Variants in UBL3 observed in about 807,000 individuals in gnomAD.
UBL3 encodes ubiquitin-like protein 3.
Under a neutral mutation model 18.4 loss-of-function variants are expected in UBL3, and 6 were observed. The ratio of observed to expected loss-of-function variants is 0.33; its 90% CI spans 0.18 to 0.64. The LOEUF (loss-of-function observed/expected upper bound fraction) is 0.64, where lower values mean the gene tolerates loss of function less well. Ranked by LOEUF, UBL3 falls within the 30% of genes least tolerant of loss-of-function variation. UBL3 has a pLI of 0.76. For missense variants in UBL3, 109 were observed against 142.9 expected (o/e 0.76, Z 1.21); for synonymous variants, 49 against 46.6 (o/e 1.05, Z -0.21).
At chr13:29,792,069 A>C (rs1403832467) in intron 1 of UBL3, among the ~76,000 whole-genome samples, 1 of 152,178 alleles carries the variant, frequency 6.6e-6, no homozygotes, top group Non-Finnish European at 1.5e-5. Flanking sequence ...AGGAAAAATA[A>C]TTCAAGTTAA....
At position 29,788,076 on chromosome 13, in the gene UBL3, T is replaced by C. The variant is rs563726794; in HGVS notation, c.28-10813A>G. Among the ~76,000 whole-genome samples, 3 of 152,334 alleles carry C rather than the reference T, an allele frequency of 2.0e-5. No homozygotes were observed. In the East Asian group the frequency reaches 5.8e-4, roughly 29 times the overall value. On this transcript the variant is annotated intron_variant, in intron 1 of 4. Coordinates refer to ENST00000380680, the MANE Select transcript of UBL3 (RefSeq NM_007106.4). ...GATCAACTAGGCACCCGTTTTCTTT[T>C]GAATAGTTCTAGCGCAAGGCACATT... is the stretch of plus-strand genomic sequence containing the variant.
intron 1 of UBL3, among the ~76,000 whole-genome samples, chr13:29,832,728 G>A (rs1231711404): frequency 6.6e-6 from 1 of 152,150 alleles, no homozygotes; most frequent in Non-Finnish European, 1.5e-5. Context: ...ATCCGTGATG[G>A]AAGCAGCTAT....
At chr13:29,791,302 G>T (rs4265673) in intron 1 of UBL3, among the ~76,000 whole-genome samples, 93,722 of 151,946 alleles carry the variant, frequency 0.62, 29,100 homozygotes, top group Non-Finnish European at 0.66. Context: ...TTCTGTCAGG[G>T]TGTTCTAGAC....
chr13:29,780,655 GT>G (rs1411183782), intron 1 of UBL3, among the ~76,000 whole-genome samples: 1 of 151,930 alleles, frequency 6.6e-6, no homozygotes, highest in Admixed American at 6.6e-5. Context: ...TGCTAAACAA[GT>G]AACCTGTTTA....
At chr13:29,822,859 T>C (rs1182007172) in intron 1 of UBL3, among the ~76,000 whole-genome samples, 1 of 152,170 alleles carries the variant, frequency 6.6e-6, no homozygotes, top group Non-Finnish European at 1.5e-5. Flanking sequence ...ATAATTAAAT[T>C]TGATCTTTAA....
chr13:29,777,371 C>A, intron 1 of UBL3, 108 bp from the exon 2 acceptor site: 1 of 824,628 alleles, frequency 1.2e-6, no homozygotes. Context: ...TTACCAATGC[C>A]ATATTGTGGT....
At chr13:29,785,383 G>A (rs1593654729) in intron 1 of UBL3, among the ~76,000 whole-genome samples, 1 of 151,994 alleles carries the variant, frequency 6.6e-6, no homozygotes, top group Non-Finnish European at 1.5e-5. Flanking sequence ...ATAATTTGGT[G>A]TTTATGTCGG....
chr13:29,810,690 A>T (rs143020805), intron 1 of UBL3, among the ~76,000 whole-genome samples: 1 of 152,214 alleles, frequency 6.6e-6, no homozygotes, highest in Non-Finnish European at 1.5e-5. Context: ...TTAGTGTAAC[A>T]GTGAGTTTTC....
chr13:29,838,681 G>A (rs980558050), intron 1 of UBL3, among the ~76,000 whole-genome samples: 3 of 152,040 alleles, frequency 2.0e-5, no homozygotes, highest in African/African-American at 4.8e-5. Context: ...AAGGTATATG[G>A]GAAACTGTTT....
chr13:29,780,041 TAAGTTGAATA>T (rs1226800180), intron 1 of UBL3, among the ~76,000 whole-genome samples: 1 of 152,048 alleles, frequency 6.6e-6, no homozygotes, highest in African/African-American at 2.4e-5. Context: ...TGTGGCAGCC[TAAGTTGAATA>T]ATACACACAA....
intron 1 of UBL3, among the ~76,000 whole-genome samples, chr13:29,800,095 T>C (rs1018938184): frequency 1.3e-5 from 2 of 152,260 alleles, no homozygotes; most frequent in African/African-American, 2.4e-5. Context: ...ATCCAATTGC[T>C]GAACAGTAAT....
At chr13:29,770,305 C>T (rs1278778383) in intron 3 of UBL3, among the ~76,000 whole-genome samples, 4 of 151,978 alleles carry the variant, frequency 2.6e-5, no homozygotes, top group African/African-American at 7.2e-5. Context: ...ATTATTAACG[C>T]GGAGGTCCAG....
chr13:29,847,576 A>G (rs1295116060), intron 1 of UBL3, among the ~76,000 whole-genome samples: 2 of 152,210 alleles, frequency 1.3e-5, no homozygotes, highest in African/African-American at 4.8e-5. Context: ...GACTGATGCC[A>G]CGCACATTCC....
In UBL3 at chr13:29,846,807, G is replaced by A. The variant is rs142282268; in HGVS notation, c.27+2705C>T. Reference sequence around the variant, plus strand: ...CACCACCACCAAAAAGTAAAAAAGTGTAACATTTGTTTCAGCACAGTTGAC... The same window carrying A: ...CACCACCACCAAAAAGTAAAAAAGTATAACATTTGTTTCAGCACAGTTGAC... On this transcript the variant is annotated intron_variant, in intron 1 of 4. Coordinates refer to ENST00000380680, the MANE Select transcript of UBL3 (RefSeq NM_007106.4). Among the ~76,000 whole-genome samples, 243 of 152,268 alleles carry A rather than the reference G, an allele frequency of 1.6e-3. 1 individual carries two copies. Among genetic ancestry groups the A allele is most frequent in the African/African-American group, 5.7e-3 (235 of 41,560 alleles).
intron 1 of UBL3, among the ~76,000 whole-genome samples, chr13:29,808,976 CAATAG>C (rs1877967198): frequency 1.3e-5 from 2 of 152,172 alleles, no homozygotes; most frequent in South Asian, 4.2e-4. Context: ...TGATCATGCT[CAATAG>C]AATATAAATC....
intron 1 of UBL3, among the ~76,000 whole-genome samples, chr13:29,835,872 A>G (rs1261829541): frequency 6.6e-6 from 1 of 152,058 alleles, no homozygotes; most frequent in African/African-American, 2.4e-5. Flanking sequence ...AGCCAATACA[A>G]TTAAAGCATA....
chr13:29,810,264 A>T (rs185829274), intron 1 of UBL3, among the ~76,000 whole-genome samples: 1 of 152,240 alleles, frequency 6.6e-6, no homozygotes, highest in East Asian at 1.9e-4. Context: ...AATTCAGAGG[A>T]GATTGTCTGG....
intron 1 of UBL3, among the ~76,000 whole-genome samples, chr13:29,807,298 A>T (rs1429861005): frequency 6.6e-6 from 1 of 152,186 alleles, no homozygotes; most frequent in Non-Finnish European, 1.5e-5. Flanking sequence ...CCTGGCTTTT[A>T]AACTAGCTGA....
intron 1 of UBL3, among the ~76,000 whole-genome samples, chr13:29,828,858 G>A (rs1394134915): frequency 6.6e-6 from 1 of 152,146 alleles, no homozygotes; most frequent in Non-Finnish European, 1.5e-5. Flanking sequence ...GTTTTGGTGT[G>A]GATGTCCTTT....
Sources: allele counts gnomAD v4.1 joint callset (sites outside exome capture counted in the v4.1 genomes callset), GRCh38; gene constraint gnomAD v4.1.1; transcripts MANE v1.5; gene names NCBI Gene and HGNC (gene_info 2026-07-23, HGNC 2026-07-21).